ING5: variants seen among roughly 807,000 people sequenced by gnomAD.
ING5 encodes inhibitor of growth protein 5.
ING5 carries 17 observed loss-of-function variants against 37.4 expected under a neutral mutation model. The ratio of observed to expected loss-of-function variants is 0.45; its 90% CI spans 0.31 to 0.68. The LOEUF (loss-of-function observed/expected upper bound fraction) is 0.68, where lower values mean the gene tolerates loss of function less well. ING5 is among the 30% of genes least tolerant of loss of function. The probability of loss-of-function intolerance (pLI) is 0.05; values close to 1 mark genes in which losing one functional copy is unlikely to be tolerated. For missense variants in ING5, 233 were observed against 311.9 expected (o/e 0.75, Z 1.91); for synonymous variants, 123 against 116.6 (o/e 1.06, Z -0.36).
chr2:241,690,952 C>T (rs1245228223), intron 2 of ING5, among the ~76,000 whole-genome samples: 1 of 150,830 alleles, frequency 6.6e-6, no homozygotes, highest in African/African-American at 2.4e-5. Context: ...GATTTACAGG[C>T]GCCCGCCACA....
At chr2:241,698,540 G>A (rs767434928), upstream of ING5, among the ~76,000 whole-genome samples, 3 of 138,806 alleles carry the variant, frequency 2.2e-5, no homozygotes, top group African/African-American at 8.1e-5. Context: ...TGTGTGTGTG[G>A]AGGAGTATAT....
chr2:241,708,973 T>A, intron 2 of ING5: 1 of 362,688 alleles, frequency 2.8e-6, no homozygotes, highest in East Asian at 4.3e-5. Flanking sequence ...GACCACTTGC[T>A]GTGTAACATT....
At chr2:241,706,652 G>A (rs1262902997) in intron 2 of ING5, among the ~76,000 whole-genome samples, 3 of 149,960 alleles carry the variant, frequency 2.0e-5, no homozygotes, top group Non-Finnish European at 3.0e-5. Context: ...AAGAAAAAAA[G>A]GAAGGTAGAT....
chr2:241,720,315 G>A (rs1309251976), intron 5 of ING5: 59 of 1,221,080 alleles, frequency 4.8e-5, no homozygotes, highest in Admixed American at 8.6e-5. Context: ...GTGCCAGGCC[G>A]CTCTGCCTCA....
At chr2:241,712,173 C>T (rs185157863) in intron 5 of ING5, 102 bp downstream of exon 5, 24 of 936,582 alleles carry the variant, frequency 2.6e-5, no homozygotes, top group African/African-American at 3.4e-5. Context: ...AAGTGCACCC[C>T]GTGTGCCGGG....
At chr2:241,724,359 G>A (rs547695219) in intron 7 of ING5, among the ~76,000 whole-genome samples, 1 of 152,342 alleles carries the variant, frequency 6.6e-6, no homozygotes, top group South Asian at 2.1e-4. Flanking sequence ...TTTTGAGAAG[G>A]GGTACGGAGG....
chr2:241,703,161 A>G (rs746842258), intron 1 of ING5, among the ~76,000 whole-genome samples: 13 of 152,160 alleles, frequency 8.5e-5, no homozygotes, highest in Admixed American at 3.3e-4. Context: ...GTGCCCAGCC[A>G]GTGGGCTGGC....
Position 241,729,215 on chromosome 2 carries a change from G to C in ING5, c.*4184G>C, listed in dbSNP as rs1456986900. On this transcript the variant is annotated 3_prime_UTR_variant, in exon 8 of 8. Coordinates refer to ENST00000313552, the MANE Select transcript of ING5 (RefSeq NM_032329.6). ...TAAGAAAATGTTCCCATTCAGGAGAGATTGTGTTGGAGTTTCTTTCTTCCT... is the reference window on the plus strand; with the variant it reads ...TAAGAAAATGTTCCCATTCAGGAGACATTGTGTTGGAGTTTCTTTCTTCCT... The C allele has an allele frequency of 6.5e-6, 1 of 152,674 alleles. No individual in the cohort carries two copies. The highest frequency in any genetic ancestry group is 2.4e-5 in the African/African-American group (1 of 41,462). The allele number at this position is 152,674 out of a possible 1,614,324, so 9.5% of individuals were successfully genotyped here. A position where few individuals can be genotyped will look rare whatever the true frequency, so the allele number is the denominator to read the frequency against.
At chr2:241,714,108 C>T (rs1457531072) in intron 5 of ING5, among the ~76,000 whole-genome samples, 3 of 152,062 alleles carry the variant, frequency 2.0e-5, no homozygotes, top group Non-Finnish European at 4.4e-5. Flanking sequence ...TTGTAAGTAG[C>T]ACCTAGTCAG....
Position 241,706,487 on chromosome 2 carries a change from G to A in ING5, c.109+1763G>A, listed in dbSNP as rs555954273. Among the ~76,000 whole-genome samples the A allele has an allele frequency of 2.6e-5, 4 of 152,014 alleles. No homozygotes were observed. The South Asian group carries it at 8.3e-4, about 32-fold the overall frequency. On this transcript the variant is annotated intron_variant, in intron 2 of 7. Coordinates refer to ENST00000313552, the MANE Select transcript of ING5 (RefSeq NM_032329.6). ...TCTACTAAAAATACAAAATTAGCCG[G>A]GTGTGGTGGCGCACGCCTATAATCC...
At chr2:241,719,071 C>T (rs985390937) in intron 5 of ING5, among the ~76,000 whole-genome samples, 20 of 152,236 alleles carry the variant, frequency 1.3e-4, no homozygotes, top group Admixed American at 1.3e-3. Context: ...TCAGCTTCAG[C>T]TCCACCGAGG....
chr2:241,722,746 A>G (rs1432138858), intron 5 of ING5, 193 bp from the exon 6 acceptor site: 4 of 985,288 alleles, frequency 4.1e-6, no homozygotes, highest in Non-Finnish European at 4.8e-6. Flanking sequence ...TCTAAAGGAC[A>G]ATGGGAAAAA....
intron 2 of ING5, among the ~76,000 whole-genome samples, chr2:241,693,851 GTT>G (rs2069593344): frequency 6.6e-6 from 1 of 150,766 alleles, no homozygotes; most frequent in Non-Finnish European, 1.5e-5. Context: ...GAGACGGGGT[GTT>G]TCACCATGTT....
upstream of ING5, among the ~76,000 whole-genome samples, chr2:241,699,252 T>C (rs148810700): frequency 0.04 from 5,763 of 142,668 alleles, 143 homozygotes; most frequent in Middle Eastern, 0.12. Flanking sequence ...CTCAAACTCC[T>C]GACCTCAGGT....
At chr2:241,723,829 G>T (rs372651978) in intron 7 of ING5, 1 of 1,583,676 alleles carries the variant, frequency 6.3e-7, no homozygotes, top group Non-Finnish European at 8.6e-7. Flanking sequence ...GGGCAACATC[G>T]GGAGACCCCA....
rs781108494 is a variant in ING5 at position 241,712,042 on chromosome 2, C to T, written c.453C>T (p.Asp151=). Residue 151 remains aspartate (D), a synonymous_variant, in exon 5 of 8, where the codon GAC becomes GAT. Transcript: ENST00000313552. ...GAGGCAGGAGGACATCAGAGGAAGA[C>T]ACACCAAAGAAAAAGAAGCACAAAG... ...RGRGRRTSEE[D]TPKKKKHKGG... The T allele has an allele frequency of 5.6e-6, 9 of 1,612,164 alleles. No individual in the cohort carries two copies. In the African/African-American group the frequency reaches 9.4e-5, roughly 17 times the overall value.
Position 241,702,110 on chromosome 2 carries a change from C to T in ING5, c.37+8C>T, listed in dbSNP as rs1263108920. The T allele has an allele frequency of 3.0e-6, 4 of 1,332,964 alleles. No individual in the cohort carries two copies. The highest frequency in any genetic ancestry group is 3.2e-5 in the Admixed American group (1 of 31,410). The allele number at this position is 1,332,964 out of a possible 1,614,324, so 82.6% of individuals were successfully genotyped here. On this transcript the variant is annotated splice_region_variant and intron_variant, in intron 1 of 7. Coordinates refer to ENST00000313552, the MANE Select transcript of ING5 (RefSeq NM_032329.6). ...TGGAGCACTATCTGGACAGTAAGCG[C>T]GCCCCACGGGCCCCGCGCCCGCCGC... is the stretch of plus-strand genomic sequence containing the variant.
chr2:241,711,506 TTTTC>T lies in ING5; in HGVS notation c.388+22_388+25del. 1 of 1,539,612 alleles carries T rather than the reference TTTTC, an allele frequency of 6.5e-7. No homozygotes were observed. Among genetic ancestry groups the T allele is most frequent in the East Asian group, 2.3e-5 (1 of 44,184 alleles). ...GTTAAAAAGCAAGTCTGTTAATTTT[TTTTC>T]TTTATTTTATTACTGTTAACTATGG... On this transcript the variant is annotated intron_variant, in intron 4 of 7. Coordinates refer to ENST00000313552, the MANE Select transcript of ING5 (RefSeq NM_032329.6).
At chr2:241,720,978 A>C (rs2070419276) in intron 5 of ING5, 1 of 985,530 alleles carries the variant, frequency 1.0e-6, no homozygotes, top group Non-Finnish European at 1.2e-6. Context: ...GCCCTCTCCC[A>C]CAGCCATCAA....
Sources: gnomAD v4.1 joint callset for allele counts (sites outside exome capture counted in the v4.1 genomes callset) on GRCh38, gnomAD v4.1.1 for gene constraint, MANE v1.5 for transcripts, NCBI Gene and HGNC (gene_info 2026-07-23, HGNC 2026-07-21) for gene names.